The following TCF4 variants were observed in gnomAD, a reference collection of about 807,000 sequenced individuals.
The protein encoded by TCF4 is transcription factor 4.
A neutral mutation model predicts 82.1 loss-of-function variants in TCF4; 3 were observed. That is an observed-to-expected ratio of 0.04 (90% CI 0.02 to 0.09). The LOEUF is 0.09. Among genes scored for constraint, TCF4 ranks in the 10% least tolerant of loss-of-function variants. The pLI, the probability that TCF4 is intolerant of heterozygous loss-of-function variation, is 1.00. For missense variants in TCF4, 518 were observed against 852.7 expected (o/e 0.61, Z 4.89); for synonymous variants, 276 against 309.6 (o/e 0.89, Z 1.14).
At chr18:55,425,044 C>T (rs2094921888) in intron 5 of TCF4, among the ~76,000 whole-genome samples, 1 of 152,142 alleles carries the variant, frequency 6.6e-6, no homozygotes, top group Admixed American at 6.5e-5. Context: ...AAAATTTACA[C>T]TAAGAACAAG....
chr18:55,241,218 C>T (rs1368364959), intron 15 of TCF4, among the ~76,000 whole-genome samples: 1 of 152,184 alleles, frequency 6.6e-6, no homozygotes, highest in Non-Finnish European at 1.5e-5. Context: ...CTTGTACTAA[C>T]TCATACGTTC....
At chr18:55,502,923 C>T (rs1321663647) in intron 3 of TCF4, among the ~76,000 whole-genome samples, 27 of 152,194 alleles carry the variant, frequency 1.8e-4, no homozygotes. Flanking sequence ...CTGAGATATT[C>T]AACCTTACAG....
At chr18:55,605,635 T>G (rs2097701538) in intron 2 of TCF4, among the ~76,000 whole-genome samples, 1 of 152,182 alleles carries the variant, frequency 6.6e-6, no homozygotes, top group Admixed American at 6.5e-5. Context: ...GGACTTGCAT[T>G]AGTACTCCAA....
intron 5 of TCF4, among the ~76,000 whole-genome samples, chr18:55,412,390 C>T (rs1314627989): frequency 6.7e-6 from 1 of 150,236 alleles, no homozygotes; most frequent in African/African-American, 2.5e-5. Flanking sequence ...ATTGCCAAAT[C>T]GATTCCCCTA....
intron 17 of TCF4, 90 bp downstream of exon 17, chr18:55,232,419 G>A: frequency 6.7e-7 from 1 of 1,503,528 alleles, no homozygotes; most frequent in Non-Finnish European, 9.2e-7. Flanking sequence ...TACCTGCCAG[G>A]AAAAAACTGA....
At chr18:55,486,926 T>A (rs1375269403) in intron 3 of TCF4, among the ~76,000 whole-genome samples, 4 of 152,156 alleles carry the variant, frequency 2.6e-5, no homozygotes, top group Non-Finnish European at 4.4e-5. Context: ...GCACGTCTCA[T>A]AATAAGGACC....
At chr18:55,277,602 ATT>A (rs11292069) in intron 9 of TCF4, among the ~76,000 whole-genome samples, 5,799 of 122,270 alleles carry the variant, frequency 0.047, 287 homozygotes, top group African/African-American at 0.15. Flanking sequence ...TGTCAACTCA[ATT>A]TTTTTTTTTT....
At chr18:55,499,587 C>T (rs1383152689) in intron 3 of TCF4, among the ~76,000 whole-genome samples, 1 of 152,174 alleles carries the variant, frequency 6.6e-6, no homozygotes, top group East Asian at 1.9e-4. Flanking sequence ...CTACTCCCCC[C>T]ACCAACAATT....
intron 3 of TCF4, among the ~76,000 whole-genome samples, chr18:55,526,444 G>A (rs530872064): frequency 2.6e-5 from 4 of 152,112 alleles, no homozygotes; most frequent in South Asian, 4.2e-4. Flanking sequence ...ACATCTTCTC[G>A]AGTCTAAGAT....
rs567455211 is a variant in TCF4 at position 55,427,656 on chromosome 18, A to G, written c.305-24138T>C. 1.2e-4 allele frequency among the ~76,000 whole-genome samples: 18 copies of G among 152,328 alleles called. 1 individual carries two copies. The South Asian group carries it at 3.5e-3, about 30-fold the overall frequency. ...TTGTGAGGAACAAATAAGTGAAGACACTGAACGCCCTCAACATTTGTATTC... is the reference window on the plus strand; with the variant it reads ...TTGTGAGGAACAAATAAGTGAAGACGCTGAACGCCCTCAACATTTGTATTC... On this transcript the variant is annotated intron_variant, in intron 5 of 19. Coordinates refer to ENST00000354452, the MANE Select transcript of TCF4 (RefSeq NM_001083962.2).
At chr18:55,506,814 T>C (rs1425910598) in intron 3 of TCF4, among the ~76,000 whole-genome samples, 1 of 151,720 alleles carries the variant, frequency 6.6e-6, no homozygotes, top group African/African-American at 2.4e-5. Context: ...AAGAGTAACA[T>C]AGAACAATTA....
At chr18:55,517,407 T>C (rs1020294168) in intron 3 of TCF4, among the ~76,000 whole-genome samples, 2 of 152,108 alleles carry the variant, frequency 1.3e-5, no homozygotes, top group Admixed American at 6.6e-5. Context: ...GCCATCAGAC[T>C]GTATCCTCAT....
intron 3 of TCF4, among the ~76,000 whole-genome samples, chr18:55,506,838 C>A (rs1048739756): frequency 5.9e-5 from 9 of 151,858 alleles, no homozygotes; most frequent in Non-Finnish European, 8.8e-5. Flanking sequence ...TATACTGCAA[C>A]CTCAGCATAT....
chr18:55,346,034 GT>G (rs559602397), intron 8 of TCF4, among the ~76,000 whole-genome samples: 24 of 152,160 alleles, frequency 1.6e-4, no homozygotes, highest in African/African-American at 5.5e-4. Flanking sequence ...GATAAAAGGG[GT>G]TTTCCCTAAA....
intron 8 of TCF4, among the ~76,000 whole-genome samples, chr18:55,293,680 A>G (rs1280595800): frequency 6.6e-6 from 1 of 152,154 alleles, no homozygotes; most frequent in East Asian, 1.9e-4. Context: ...AGGGGCCCTA[A>G]GGTATTTAAT....
At chr18:55,505,724 A>C (rs1369581136) in intron 3 of TCF4, among the ~76,000 whole-genome samples, 1 of 149,716 alleles carries the variant, frequency 6.7e-6, no homozygotes, top group Non-Finnish European at 1.5e-5. Context: ...GAATGGCGTG[A>C]ACCCGGGAGG....
chr18:55,547,963 T>A (rs528365708), intron 3 of TCF4, among the ~76,000 whole-genome samples: 1 of 152,212 alleles, frequency 6.6e-6, no homozygotes, highest in African/African-American at 2.4e-5. Flanking sequence ...AAAAGAAGTT[T>A]TGTGACCTCA....
intron 2 of TCF4, among the ~76,000 whole-genome samples, chr18:55,612,388 A>T (rs2097707918): frequency 6.6e-6 from 1 of 152,176 alleles, no homozygotes; most frequent in Admixed American, 6.5e-5. Context: ...GCTTTTAAGG[A>T]ATTCCATATC....
upstream of TCF4, chr18:55,591,361 C>G (rs2097685053): frequency 6.6e-6 from 1 of 152,244 alleles, no homozygotes; most frequent in Admixed American, 6.5e-5. Context: ...AGGAGAAATT[C>G]CACTGGCTCT....
Sources: allele counts gnomAD v4.1 joint callset (sites outside exome capture counted in the v4.1 genomes callset), GRCh38; gene constraint gnomAD v4.1.1; transcripts MANE v1.5; gene names NCBI Gene and HGNC (gene_info 2026-07-23, HGNC 2026-07-21).